The following SPSB4 variants were observed in gnomAD, a reference collection of about 807,000 sequenced individuals.
SPSB4 encodes the protein SPRY domain-containing SOCS box protein 4.
A neutral mutation model predicts 20.9 loss-of-function variants in SPSB4; 21 were observed. The observed-to-expected ratio is 1.01, with a 90% CI of 0.71 to 1.45. SPSB4 has a LOEUF of 1.45. SPSB4 is among the 40% of genes most tolerant of loss of function. The pLI is 0.00. For missense variants in SPSB4, 399 were observed against 399.2 expected (o/e 1.00, Z 0.00); for synonymous variants, 207 against 183.8 (o/e 1.13, Z -1.02).
chr3:141,134,056 C>CTTTTTTTTTTTTTTT (rs1222303281), intron 2 of SPSB4, among the ~76,000 whole-genome samples: 4 of 61,636 alleles, frequency 6.5e-5, no homozygotes, highest in East Asian at 5.0e-4. Flanking sequence ...TTTCTTTTTT[C>CTTTTTTTTTTTTTTT]TTTTTTTTTT....
At position 141,105,961 on chromosome 3, in the gene SPSB4, G is replaced by A. The variant is rs142982182; in HGVS notation, c.694+39163G>A. On this transcript the variant is annotated intron_variant, in intron 2 of 2. Coordinates refer to ENST00000310546, the MANE Select transcript of SPSB4 (RefSeq NM_080862.3). ...CCACACTACATGTGGTAACTACATC[G>A]CCACCTGGTGGTACAGATTTTGCAT... 8.6e-4 allele frequency among the ~76,000 whole-genome samples: 131 copies of A among 152,244 alleles called. 2 individuals carry two copies. In the East Asian group the frequency reaches 0.016, roughly 19 times the overall value.
At chr3:141,093,665 A>G (rs553822487) in intron 2 of SPSB4, among the ~76,000 whole-genome samples, 1 of 152,274 alleles carries the variant, frequency 6.6e-6, no homozygotes, top group African/African-American at 2.4e-5. Context: ...GCCGGCTGCC[A>G]AGGCTCAGCT....
At chr3:141,080,749 G>T (rs1424557717) in intron 2 of SPSB4, among the ~76,000 whole-genome samples, 4 of 152,214 alleles carry the variant, frequency 2.6e-5, no homozygotes, top group Admixed American at 2.6e-4. Context: ...CTTTTTGGCT[G>T]ACACAGGCAA....
At chr3:141,130,120 A>G (rs1241156212) in intron 2 of SPSB4, among the ~76,000 whole-genome samples, 1 of 152,212 alleles carries the variant, frequency 6.6e-6, no homozygotes, top group African/African-American at 2.4e-5. Context: ...CAGGGATGCC[A>G]TATTTTAGAA....
At position 141,147,254 on chromosome 3, in the gene SPSB4, T is replaced by A; in HGVS notation, c.807T>A (p.Tyr269Ter). ...CCCTGCCTCAGTCTCTCAAAAACTA[T>A]CTGCAGTACCAGTGAGCCAAGCCTG... ...SLPLPQSLKN[Y>*]LQYQ The change falls in exon 3 of 3, where the codon TAT becomes TAA. Residue 269 changes from tyrosine (Y) to a stop codon, truncating the protein, a stop_gained. Transcript: ENST00000310546. LOFTEE classifies it high-confidence loss of function. 6.2e-7 allele frequency: 1 copy of A among 1,614,152 alleles called. No homozygotes were observed. The highest frequency in any genetic ancestry group is 8.5e-7 in the Non-Finnish European group (1 of 1,180,034).
At chr3:141,097,574 C>T (rs924169115) in intron 2 of SPSB4, among the ~76,000 whole-genome samples, 1 of 152,080 alleles carries the variant, frequency 6.6e-6, no homozygotes, top group Non-Finnish European at 1.5e-5. Context: ...TTCCCATATT[C>T]TTGATCCTCT....
intron 2 of SPSB4, among the ~76,000 whole-genome samples, chr3:141,102,963 A>G (rs1474581062): frequency 6.6e-6 from 1 of 152,098 alleles, no homozygotes; most frequent in African/African-American, 2.4e-5. Flanking sequence ...CTATTCCCAG[A>G]CCCTAAAAGA....
In SPSB4 at chr3:141,066,704, C is replaced by T. The variant is rs1308894456; in HGVS notation, c.600C>T (p.Ala200=). The change falls in exon 2 of 3, where the codon GCC becomes GCT. Residue 200 remains alanine (A), a synonymous_variant. Transcript: ENST00000310546. The part of the protein sequence containing the change: ...FIVDGQYLGV[A]FRGLKGKKLY... Reference sequence around the variant, plus strand: ...TGGATGGCCAGTACCTGGGCGTGGCCTTCCGAGGTCTCAAGGGCAAGAAGC... The same window carrying T: ...TGGATGGCCAGTACCTGGGCGTGGCTTTCCGAGGTCTCAAGGGCAAGAAGC... The T allele has an allele frequency of 7.4e-6, 12 of 1,612,436 alleles. No individual in the cohort carries two copies. The highest frequency in any genetic ancestry group is 9.3e-6 in the Non-Finnish European group (11 of 1,179,316).
At chr3:141,069,922 G>A (rs921311838) in intron 2 of SPSB4, among the ~76,000 whole-genome samples, 37 of 152,324 alleles carry the variant, frequency 2.4e-4, no homozygotes, top group African/African-American at 8.9e-4. Flanking sequence ...TACGGTAAAA[G>A]CAAGACTTAG....
intron 2 of SPSB4, among the ~76,000 whole-genome samples, chr3:141,118,750 C>A (rs1197120445): frequency 3.3e-5 from 5 of 152,138 alleles, no homozygotes; most frequent in African/African-American, 1.2e-4. Context: ...TATAGGGAAT[C>A]CTTTCCTCAT....
At chr3:141,133,477 G>A (rs1576542162) in intron 2 of SPSB4, among the ~76,000 whole-genome samples, 1 of 152,126 alleles carries the variant, frequency 6.6e-6, no homozygotes. Flanking sequence ...TATAAGATGA[G>A]AGATGAGGAT....
At chr3:141,074,610 G>A (rs1045912032) in intron 2 of SPSB4, among the ~76,000 whole-genome samples, 1 of 152,128 alleles carries the variant, frequency 6.6e-6, no homozygotes, top group Non-Finnish European at 1.5e-5. Context: ...CCCTGTGAGC[G>A]GTTTCCGGCT....
intron 2 of SPSB4, 29 bp downstream of exon 2, chr3:141,066,827 C>A (rs1316642770): frequency 1.3e-6 from 2 of 1,499,004 alleles, no homozygotes; most frequent in Non-Finnish European, 1.8e-6. Flanking sequence ...GGGGGCAGGG[C>A]TTTCAGAGGC....
rs147395280 is a variant in SPSB4 at position 141,144,627 on chromosome 3, G to A, written c.695-2515G>A. 7.7e-3 allele frequency among the ~76,000 whole-genome samples: 1,173 copies of A among 152,310 alleles called. 12 individuals carry two copies. Among genetic ancestry groups the A allele is most frequent in the African/African-American group, 0.027 (1,116 of 41,566 alleles). On this transcript the variant is annotated intron_variant, in intron 2 of 2. Coordinates refer to ENST00000310546, the MANE Select transcript of SPSB4 (RefSeq NM_080862.3). ...CAGTTTACTCTCCCCTCAGAAGTTC[G>A]GAGAGATGATTTATATTTCACATTT...
chr3:141,067,125 T>C (rs1341387208), intron 2 of SPSB4, among the ~76,000 whole-genome samples: 4 of 152,218 alleles, frequency 2.6e-5, no homozygotes, highest in African/African-American at 9.6e-5. Context: ...ACAGGGGCTT[T>C]GAGTGTTGAT....
At chr3:141,054,993 A>G (rs1475868528) in intron 1 of SPSB4, among the ~76,000 whole-genome samples, 2 of 151,288 alleles carry the variant, frequency 1.3e-5, no homozygotes, top group Admixed American at 1.3e-4. Flanking sequence ...CAAACCATGC[A>G]GGAGGTATAG....
chr3:141,090,755 T>C (rs765417856), intron 2 of SPSB4, among the ~76,000 whole-genome samples: 8 of 152,090 alleles, frequency 5.3e-5, no homozygotes, highest in Non-Finnish European at 1.2e-4. Context: ...GGTGGCATGA[T>C]TTGCCTAGGT....
intron 2 of SPSB4, among the ~76,000 whole-genome samples, chr3:141,125,321 C>T (rs964844952): frequency 2.6e-5 from 4 of 152,280 alleles, no homozygotes; most frequent in South Asian, 2.1e-4. Flanking sequence ...TCCTTCTCTC[C>T]GTTTCACCCA....
chr3:141,076,609 G>A (rs996900880), intron 2 of SPSB4, among the ~76,000 whole-genome samples: 5 of 152,218 alleles, frequency 3.3e-5, no homozygotes, highest in African/African-American at 9.6e-5. Context: ...ATCACAGTCT[G>A]CACATGTGGA....
Sources: gnomAD v4.1 joint callset for allele counts (sites outside exome capture counted in the v4.1 genomes callset) on GRCh38, gnomAD v4.1.1 for gene constraint, MANE v1.5 for transcripts, NCBI Gene and HGNC (gene_info 2026-07-23, HGNC 2026-07-21) for gene names.